Variants in CRPPA observed in about 807,000 individuals in gnomAD.
CRPPA encodes D-ribitol-5-phosphate cytidylyltransferase.
CRPPA carries 43 observed loss-of-function variants against 52.0 expected under a neutral mutation model. The observed-to-expected ratio is 0.83, with a 90% CI of 0.65 to 1.07. The LOEUF is 1.07. Among genes scored for constraint, CRPPA ranks in the 50% least tolerant of loss-of-function variants. The pLI, the probability that CRPPA is intolerant of heterozygous loss-of-function variation, is 0.00. For synonymous variants in CRPPA, 250 were observed against 203.5 expected (o/e 1.23, Z -1.94); for missense variants, 629 against 551.7 (o/e 1.14, Z -1.40).
At chr7:16,221,167 C>G (rs1047627439) in intron 8 of CRPPA, among the ~76,000 whole-genome samples, 2 of 152,146 alleles carry the variant, frequency 1.3e-5, no homozygotes, top group Non-Finnish European at 2.9e-5. Flanking sequence ...TAATCTTTGA[C>G]AAACCTGAGA....
chr7:16,314,638 T>A (rs1017825295), intron 3 of CRPPA, among the ~76,000 whole-genome samples: 1 of 152,082 alleles, frequency 6.6e-6, no homozygotes, highest in Non-Finnish European at 1.5e-5. Flanking sequence ...TCTGCTAAAG[T>A]CCATTCCTTC....
chr7:16,095,551 T>C (rs943885535), intron 9 of CRPPA, among the ~76,000 whole-genome samples: 2 of 152,196 alleles, frequency 1.3e-5, no homozygotes, highest in African/African-American at 2.4e-5. Flanking sequence ...ATATAGCCAT[T>C]AAATCTGGAA....
chr7:16,098,232 T>A (rs1288083395), intron 9 of CRPPA, among the ~76,000 whole-genome samples: 1 of 152,148 alleles, frequency 6.6e-6, no homozygotes, highest in Non-Finnish European at 1.5e-5. Flanking sequence ...TGAAAGGAAA[T>A]CTCTTGGAGA....
chr7:16,341,778 G>A (rs1337591550), intron 3 of CRPPA, among the ~76,000 whole-genome samples: 1 of 152,168 alleles, frequency 6.6e-6, no homozygotes, highest in Non-Finnish European at 1.5e-5. Flanking sequence ...TTAGAGAATA[G>A]TGTTCCATGT....
At chr7:16,216,804 T>C (rs1185217478) in intron 8 of CRPPA, among the ~76,000 whole-genome samples, 2 of 152,096 alleles carry the variant, frequency 1.3e-5, no homozygotes, top group Non-Finnish European at 2.9e-5. Context: ...CCACGGAGTC[T>C]CACTGATTGC....
At chr7:16,094,540 C>T (rs1034163740) in intron 9 of CRPPA, among the ~76,000 whole-genome samples, 8 of 151,346 alleles carry the variant, frequency 5.3e-5, no homozygotes, top group African/African-American at 1.7e-4. Flanking sequence ...AGGTGCAATA[C>T]AGGAGATCAT....
intron 9 of CRPPA, chr7:16,210,363 T>C (rs1165699717): frequency 6.6e-6 from 1 of 152,062 alleles, no homozygotes; most frequent in Non-Finnish European, 1.5e-5. Context: ...CTCCCCTGAG[T>C]GTGGGTGGAG....
intron 4 of CRPPA, 67 bp from the exon 5 acceptor site, chr7:16,301,533 G>T: frequency 1.7e-6 from 2 of 1,145,632 alleles, no homozygotes; most frequent in Non-Finnish European, 2.6e-6. Context: ...ATAAAATAAT[G>T]CCCCCAAGGA....
At chr7:16,227,667 G>A (rs534076833) in intron 8 of CRPPA, among the ~76,000 whole-genome samples, 189 of 151,626 alleles carry the variant, frequency 1.2e-3, no homozygotes, top group Non-Finnish European at 2.3e-3. Context: ...TGTATAGTTC[G>A]CATATGAGAT....
chr7:16,397,499 A>G (rs1274012346), intron 2 of CRPPA, among the ~76,000 whole-genome samples: 1 of 151,950 alleles, frequency 6.6e-6, no homozygotes, highest in Non-Finnish European at 1.5e-5. Flanking sequence ...AACATGACTG[A>G]CACATAACAT....
chr7:16,401,265 G>A (rs1231340524), intron 2 of CRPPA, among the ~76,000 whole-genome samples: 2 of 152,200 alleles, frequency 1.3e-5, no homozygotes, highest in Non-Finnish European at 1.5e-5. Flanking sequence ...AAGATTTAGA[G>A]TCTTCCTCCC....
chr7:16,355,822 G>A (rs980003128), intron 3 of CRPPA, among the ~76,000 whole-genome samples: 4 of 152,098 alleles, frequency 2.6e-5, no homozygotes, highest in Admixed American at 1.3e-4. Flanking sequence ...CAAAGGGGCC[G>A]CCCACCAGCA....
chr7:16,381,431 T>C (rs1323338555), intron 2 of CRPPA, among the ~76,000 whole-genome samples: 8 of 152,014 alleles, frequency 5.3e-5, no homozygotes, highest in Non-Finnish European at 1.0e-4. Context: ...AATTTTGGAA[T>C]AGGTTTGGTG....
intron 6 of CRPPA, among the ~76,000 whole-genome samples, chr7:16,271,039 T>C (rs1007338152): frequency 6.6e-6 from 1 of 152,004 alleles, no homozygotes; most frequent in Non-Finnish European, 1.5e-5. Flanking sequence ...TAGAACAGCC[T>C]CAACAAAATC....
chr7:16,144,482 G>A (rs1402276598), intron 9 of CRPPA, among the ~76,000 whole-genome samples: 2 of 152,192 alleles, frequency 1.3e-5, no homozygotes, highest in African/African-American at 2.4e-5. Context: ...TTCTTGGAAG[G>A]CCAGAAGGTT....
At chr7:16,316,774 T>C (rs1305912245) in intron 3 of CRPPA, among the ~76,000 whole-genome samples, 1 of 152,074 alleles carries the variant, frequency 6.6e-6, no homozygotes, top group African/African-American at 2.4e-5. Context: ...GGAGAATCAC[T>C]TGAGCCCGGG....
chr7:16,286,501 T>C (rs1389259969), intron 5 of CRPPA, among the ~76,000 whole-genome samples: 1 of 152,154 alleles, frequency 6.6e-6, no homozygotes, highest in Non-Finnish European at 1.5e-5. Context: ...CAGGTTCTCA[T>C]CATAGGATTC....
intron 6 of CRPPA, chr7:16,269,257 G>A (rs1056920122): frequency 6.6e-6 from 1 of 151,246 alleles, no homozygotes; most frequent in African/African-American, 2.4e-5. Flanking sequence ...AGGATATGTA[G>A]AATGACACAA....
At chr7:16,323,855 A>G (rs956029479) in intron 3 of CRPPA, among the ~76,000 whole-genome samples, 1 of 152,208 alleles carries the variant, frequency 6.6e-6, no homozygotes, top group Non-Finnish European at 1.5e-5. Flanking sequence ...CAAATATATT[A>G]CCAGTGTTAT....
Sources: allele counts gnomAD v4.1 joint callset (sites outside exome capture counted in the v4.1 genomes callset), GRCh38; gene constraint gnomAD v4.1.1; transcripts MANE v1.5; gene names NCBI Gene and HGNC (gene_info 2026-07-23, HGNC 2026-07-21).